SLC22A23: variants seen among roughly 807,000 people sequenced by gnomAD.
SLC22A23 encodes solute carrier family 22 member 23.
In SLC22A23, 26 loss-of-function variants were observed where a neutral mutation model predicts 61.0. The observed-to-expected ratio is 0.43, with a 90% CI of 0.31 to 0.59. SLC22A23 has a LOEUF of 0.59. Ranked by LOEUF, SLC22A23 falls within the 20% of genes least tolerant of loss-of-function variation. The pLI is 0.11. For missense variants in SLC22A23, 796 were observed against 934.7 expected, an observed-to-expected ratio of 0.85 and a Z score of 1.94; for synonymous variants, 430 against 413.9, an observed-to-expected ratio of 1.04 and a Z score of -0.47.
chr6:3,410,012 G>A lies in SLC22A23; in HGVS notation c.913+176C>T, dbSNP rs908227719. Among the ~76,000 whole-genome samples, 2 of 152,212 alleles carry A rather than the reference G, an allele frequency of 1.3e-5. No homozygotes were observed. The highest frequency in any genetic ancestry group is 3.8e-4 in the East Asian group (2 of 5,198). ...GCTGGAGATCAGGATTGAGTGAAAT[G>A]TTTCACGGCATCACCTGAAAAGCCT... On this transcript the variant is annotated intron_variant, in intron 3 of 9. Coordinates refer to ENST00000406686, the MANE Select transcript of SLC22A23 (RefSeq NM_015482.2). The surrounding 1 kb of genome is among the most constrained non-coding windows in gnomAD (Gnocchi z 5.0).
rs556280295 is a variant in SLC22A23, at chr6:3,405,547, C to T, written c.913+4641G>A. Among the ~76,000 whole-genome samples the T allele has an allele frequency of 3.2e-4, 48 of 152,106 alleles. 1 individual carries two copies. The highest frequency in any genetic ancestry group is 6.0e-4 in the Non-Finnish European group (41 of 68,018). ...GGTAGCTGAAGCCATTTCTAGTTGA[C>T]ATCGGCAATCTCCATTCTCTTCATT... On this transcript the variant is annotated intron_variant, in intron 3 of 9. Transcript: ENST00000406686.
chr6:3,389,222 T>A (rs1477930332), intron 3 of SLC22A23, among the ~76,000 whole-genome samples: 7 of 121,078 alleles, frequency 5.8e-5, no homozygotes, highest in Non-Finnish European at 6.3e-5. Context: ...GAGCCAAGAC[T>A]GCACCACTGC....
intron 3 of SLC22A23, among the ~76,000 whole-genome samples, chr6:3,380,645 TAA>T (rs57482525): frequency 6.1e-4 from 91 of 149,340 alleles, no homozygotes; most frequent in Admixed American, 1.6e-3. Context: ...ATTAAGTTAT[TAA>T]AAAAAAAAAT....
rs571909171 is a variant in SLC22A23, at chr6:3,350,105, A to G, written c.914-26103T>C. ...CAGCATAGTGACTCAGCATGCATGC[A>G]CACACACACCCCAAATTTTCATGAA... On this transcript the variant is annotated intron_variant, in intron 3 of 9. Coordinates refer to ENST00000406686, the MANE Select transcript of SLC22A23 (RefSeq NM_015482.2). Among the ~76,000 whole-genome samples the G allele has an allele frequency of 2.0e-5, 3 of 152,320 alleles. No individual in the cohort carries two copies. The East Asian group carries it at 5.8e-4, about 29-fold the overall frequency.
intron 9 of SLC22A23, among the ~76,000 whole-genome samples, chr6:3,279,733 C>T (rs963778247): frequency 1.3e-5 from 2 of 151,934 alleles, no homozygotes; most frequent in Non-Finnish European, 2.9e-5. Flanking sequence ...TGGGTTGTCA[C>T]TAGAGGGCAG....
intron 1 of SLC22A23, among the ~76,000 whole-genome samples, chr6:3,433,295 G>A (rs887679847): frequency 1.8e-4 from 27 of 152,128 alleles, no homozygotes; most frequent in African/African-American, 6.3e-4. Flanking sequence ...CTGCCCAAAT[G>A]GTACTAGCAC....
Position 3,410,413 on chromosome 6 carries a change from G to T in SLC22A23, c.759-71C>A. On this transcript the variant is annotated intron_variant, in intron 2 of 9. Coordinates refer to ENST00000406686, the MANE Select transcript of SLC22A23 (RefSeq NM_015482.2). This position sits in a 1 kb window ranked among gnomAD's most constrained non-coding sequence, Gnocchi z 5.0. ...CAATGACGCTAGATGCTGAAACCCGGTGTCCAGCAGGCACTCAATATATGT... is the reference window on the plus strand; with the variant it reads ...CAATGACGCTAGATGCTGAAACCCGTTGTCCAGCAGGCACTCAATATATGT... 6.8e-7 allele frequency: 1 copy of T among 1,469,882 alleles called. No homozygotes were observed. The highest frequency in any genetic ancestry group is 9.1e-7 in the Non-Finnish European group (1 of 1,098,542). 91.1% of individuals were successfully genotyped at this position (1,469,882 alleles called of 1,614,324 possible).
chr6:3,283,300 C>T (rs1433002180), intron 9 of SLC22A23, among the ~76,000 whole-genome samples: 2 of 152,074 alleles, frequency 1.3e-5, no homozygotes, highest in South Asian at 2.1e-4. Flanking sequence ...GGCGTGGTGG[C>T]GCACACCTAT....
At chr6:3,405,618 A>ATT (rs546024248) in intron 3 of SLC22A23, among the ~76,000 whole-genome samples, 1,950 of 144,352 alleles carry the variant, frequency 0.014, 38 homozygotes, top group African/African-American at 0.043. Flanking sequence ...GCTCAGTCAA[A>ATT]TTTTTTTTTT....
In SLC22A23 at chr6:3,322,242, T is replaced by C. The variant is rs144146872; in HGVS notation, c.1082+1592A>G. On this transcript the variant is annotated intron_variant, in intron 4 of 9. Coordinates refer to ENST00000406686, the MANE Select transcript of SLC22A23 (RefSeq NM_015482.2). The surrounding 1 kb of genome is among the most constrained non-coding windows in gnomAD (Gnocchi z 4.1). ...TTACTATTGCAAAGTGCTTGTCGTC[T>C]GTGCCTGGTACAGTGGGAAGCACAG... Among the ~76,000 whole-genome samples the C allele has an allele frequency of 1.1e-3, 172 of 152,318 alleles. No individual in the cohort carries two copies. Among genetic ancestry groups the C allele is most frequent in the African/African-American group, 4.0e-3 (165 of 41,568 alleles).
chr6:3,450,222 A>G (rs1772097747), intron 1 of SLC22A23, among the ~76,000 whole-genome samples: 1 of 152,260 alleles, frequency 6.6e-6, no homozygotes, highest in Admixed American at 6.5e-5. Flanking sequence ...ATTTTTAAAA[A>G]TAGATATGCA....
chr6:3,306,470 CATT>C (rs1053500786), intron 4 of SLC22A23, among the ~76,000 whole-genome samples: 6 of 152,206 alleles, frequency 3.9e-5, no homozygotes, highest in African/African-American at 1.4e-4. Flanking sequence ...GTGGTACTAT[CATT>C]ATCCCCATTT....
chr6:3,291,258 T>G lies in SLC22A23; in HGVS notation c.1211-1392A>C, dbSNP rs184639981. ...TCCGAGGGCCACTCTGAACCCTGGATGGCTCAAGTTCAACCCTCCTCTTCC... is the reference window on the plus strand; with the variant it reads ...TCCGAGGGCCACTCTGAACCCTGGAGGGCTCAAGTTCAACCCTCCTCTTCC... On this transcript the variant is annotated intron_variant, in intron 5 of 9. Transcript: ENST00000406686. The G allele has an allele frequency of 6.6e-5, 10 of 152,278 alleles. No homozygotes were observed. In the East Asian group the frequency reaches 1.5e-3, roughly 23 times the overall value. The allele number at this position is 152,278 out of a possible 1,614,324, so 9.4% of individuals were successfully genotyped here.
At chr6:3,366,966 G>A (rs936867040) in intron 3 of SLC22A23, among the ~76,000 whole-genome samples, 4 of 152,204 alleles carry the variant, frequency 2.6e-5, no homozygotes, top group Admixed American at 2.0e-4. Flanking sequence ...GGACAGGGGG[G>A]ATTAACACCA....
chr6:3,403,817 C>T (rs758408931), intron 3 of SLC22A23, among the ~76,000 whole-genome samples: 1 of 152,164 alleles, frequency 6.6e-6, no homozygotes, highest in African/African-American at 2.4e-5. Context: ...GTTTTCCATT[C>T]ATTTTCTCCA....
At chr6:3,312,483 G>A (rs1045691502) in intron 4 of SLC22A23, 1 of 152,170 alleles carries the variant, frequency 6.6e-6, no homozygotes, top group African/African-American at 2.4e-5. Context: ...CTCCTGAGCA[G>A]AATTTTATCC....
intron 9 of SLC22A23, among the ~76,000 whole-genome samples, chr6:3,279,871 A>G (rs999138944): frequency 1.6e-4 from 24 of 152,134 alleles, no homozygotes; most frequent in Admixed American, 1.6e-3. Flanking sequence ...TTTACTAGCA[A>G]TAGGATCTCA....
In SLC22A23 at chr6:3,269,024, C is replaced by T. The variant is rs1288448664; in HGVS notation, c.*4031G>A. On this transcript the variant is annotated 3_prime_UTR_variant, in exon 10 of 10. Coordinates refer to ENST00000406686, the MANE Select transcript of SLC22A23 (RefSeq NM_015482.2). ...ATATTGTCATTTTCGTTAAAAAATA[C>T]ATTAGAGAAGAGAGTTTTGGGTTAC... 5 of 152,330 alleles carry T rather than the reference C, an allele frequency of 3.3e-5. No individual in the cohort carries two copies. Among genetic ancestry groups the T allele is most frequent in the South Asian group, 2.1e-4 (1 of 4,830 alleles). The allele number at this position is 152,330 out of a possible 1,614,324, so 9.4% of individuals were successfully genotyped here. A position where few individuals can be genotyped will look rare whatever the true frequency, so the allele number is the denominator to read the frequency against.
At chr6:3,273,439 T>C (rs768410657) in intron 9 of SLC22A23, 27 bp from the exon 10 acceptor site, 1 of 1,608,666 alleles carries the variant, frequency 6.2e-7, no homozygotes, top group South Asian at 1.1e-5. Context: ...GCACAGGGAT[T>C]GCTGCTGTGG....
Sources: gnomAD v4.1 joint callset for allele counts (sites outside exome capture counted in the v4.1 genomes callset) on GRCh38, gnomAD v4.1.1 for gene constraint, Gnocchi (gnomAD v3.1) non-coding constraint, MANE v1.5 for transcripts, NCBI Gene and HGNC (gene_info 2026-07-23, HGNC 2026-07-21) for gene names.